Variants in DSCAM observed in about 807,000 individuals in gnomAD.
DSCAM encodes the protein DS cell adhesion molecule, also known as cell adhesion molecule DSCAM.
DSCAM carries 47 observed loss-of-function variants against 217.7 expected under a neutral mutation model. That is an observed-to-expected ratio of 0.22 (90% CI 0.17 to 0.28). DSCAM has a LOEUF of 0.28. Among genes scored for constraint, DSCAM ranks in the 10% least tolerant of loss-of-function variants. The pLI is 1.00. For missense variants in DSCAM, 2,080 were observed against 2,618.3 expected, an observed-to-expected ratio of 0.79 and a Z score of 4.49; for synonymous variants, 1,056 against 1,015.3, an observed-to-expected ratio of 1.04 and a Z score of -0.76.
chr21:40,104,864 A>G (rs1282287506), intron 20 of DSCAM, among the ~76,000 whole-genome samples: 1 of 152,180 alleles, frequency 6.6e-6, no homozygotes, highest in African/African-American at 2.4e-5. Flanking sequence ...TGCTTAAAAA[A>G]TAAAGTCAAG....
At chr21:40,109,678 G>C (rs1213811878) in intron 20 of DSCAM, among the ~76,000 whole-genome samples, 1 of 152,210 alleles carries the variant, frequency 6.6e-6, no homozygotes, top group Non-Finnish European at 1.5e-5. Context: ...TTAAAGAAAG[G>C]GGTGACAGAC....
intron 3 of DSCAM, among the ~76,000 whole-genome samples, chr21:40,412,591 T>C (rs189760631): frequency 5.2e-4 from 79 of 152,314 alleles, no homozygotes; most frequent in Admixed American, 7.2e-4. Context: ...TTAGGGTATC[T>C]GGTGGAAGGA....
intron 11 of DSCAM, among the ~76,000 whole-genome samples, chr21:40,275,837 A>T (rs1332235884): frequency 6.6e-6 from 1 of 152,208 alleles, no homozygotes; most frequent in Non-Finnish European, 1.5e-5. Context: ...AATGGCTGTG[A>T]GAACCAAAGG....
intron 1 of DSCAM, among the ~76,000 whole-genome samples, chr21:40,730,968 T>C (rs1369951903): frequency 9.9e-5 from 15 of 152,212 alleles, no homozygotes; most frequent in Non-Finnish European, 1.5e-5. Context: ...CCTATTTTTA[T>C]GTTTGCATAT....
At chr21:40,126,260 G>A (rs1346654982) in intron 19 of DSCAM, among the ~76,000 whole-genome samples, 2 of 148,514 alleles carry the variant, frequency 1.3e-5, no homozygotes, top group Non-Finnish European at 1.5e-5. Context: ...AAAGGAAAGA[G>A]GGAAGAAAAA....
At chr21:40,246,741 A>G (rs1038014427) in intron 11 of DSCAM, among the ~76,000 whole-genome samples, 1 of 152,154 alleles carries the variant, frequency 6.6e-6, no homozygotes, top group Non-Finnish European at 1.5e-5. Context: ...CAGCTTTTTA[A>G]TTTCCTGCTG....
intron 3 of DSCAM, among the ~76,000 whole-genome samples, chr21:40,573,779 T>C (rs796088213): frequency 3.8e-4 from 58 of 152,266 alleles, no homozygotes; most frequent in African/African-American, 1.3e-3. Flanking sequence ...GAAAAGAATC[T>C]ATATCAGTAA....
chr21:40,543,122 A>G (rs1158894609), intron 3 of DSCAM, among the ~76,000 whole-genome samples: 1 of 152,200 alleles, frequency 6.6e-6, no homozygotes, highest in Non-Finnish European at 1.5e-5. Context: ...CATACAAAAT[A>G]TGTTTAAGTA....
rs1465825417 is a variant in DSCAM, at chr21:40,244,965, C to G, written c.2356+31132G>C. Among the ~76,000 whole-genome samples, 3 of 146,736 alleles carry G rather than the reference C, an allele frequency of 2.0e-5. 1 individual carries two copies. Among genetic ancestry groups the G allele is most frequent in the South Asian group, 4.6e-4 (2 of 4,308 alleles). On this transcript the variant is annotated intron_variant, in intron 11 of 32. Coordinates refer to ENST00000400454, the MANE Select transcript of DSCAM (RefSeq NM_001389.5). ...GGGCTTGACTTCCTAGAGAGCTGAG[C>G]GAGGCACTGGGAATCTACAGGAAGA...
At chr21:40,113,364 C>G (rs572643655) in intron 20 of DSCAM, among the ~76,000 whole-genome samples, 59 of 151,954 alleles carry the variant, frequency 3.9e-4, no homozygotes, top group Middle Eastern at 3.2e-3. Flanking sequence ...ATTCAACAAC[C>G]CTTCATGCTA....
At chr21:40,306,677 C>T (rs2074080824) in intron 9 of DSCAM, among the ~76,000 whole-genome samples, 1 of 151,892 alleles carries the variant, frequency 6.6e-6, no homozygotes, top group African/African-American at 2.4e-5. Context: ...TGTCAAAGGC[C>T]TTTTCTGCAT....
intron 8 of DSCAM, among the ~76,000 whole-genome samples, chr21:40,322,052 A>C (rs1026573162): frequency 6.6e-6 from 1 of 152,104 alleles, no homozygotes; most frequent in Non-Finnish European, 1.5e-5. Context: ...GAATTAGATA[A>C]ATGTCCACTT....
intron 3 of DSCAM, among the ~76,000 whole-genome samples, chr21:40,575,714 C>T (rs1169833454): frequency 6.6e-6 from 1 of 151,772 alleles, no homozygotes; most frequent in Non-Finnish European, 1.5e-5. Flanking sequence ...AATAGGTAGG[C>T]AGGCTACAAA....
intron 3 of DSCAM, among the ~76,000 whole-genome samples, chr21:40,399,637 T>A (rs1263055567): frequency 1.3e-5 from 2 of 152,236 alleles, no homozygotes; most frequent in Non-Finnish European, 2.9e-5. Context: ...AGGTCAAGCA[T>A]CATATTAATT....
At chr21:40,032,408 G>C (rs969512147) in intron 32 of DSCAM, among the ~76,000 whole-genome samples, 21 of 152,086 alleles carry the variant, frequency 1.4e-4, no homozygotes, top group African/African-American at 5.1e-4. Flanking sequence ...AAGTTCACCA[G>C]CAAGCAGAAG....
At chr21:40,609,335 A>C (rs1026108361) in intron 3 of DSCAM, among the ~76,000 whole-genome samples, 1 of 152,230 alleles carries the variant, frequency 6.6e-6, no homozygotes, top group Non-Finnish European at 1.5e-5. Flanking sequence ...TGCACATCAT[A>C]TGAAATTTTC....
chr21:40,823,410 A>G (rs911747630), intron 1 of DSCAM, among the ~76,000 whole-genome samples: 2 of 152,186 alleles, frequency 1.3e-5, no homozygotes, highest in South Asian at 2.1e-4. Flanking sequence ...GTAAATCTCA[A>G]TTCAACTTGT....
intron 11 of DSCAM, among the ~76,000 whole-genome samples, chr21:40,258,028 G>A (rs1227377014): frequency 6.6e-6 from 1 of 152,172 alleles, no homozygotes; most frequent in Non-Finnish European, 1.5e-5. Context: ...GAATTGTGAA[G>A]TGCTTTCTGA....
intron 12 of DSCAM, among the ~76,000 whole-genome samples, 179 bp from the exon 13 acceptor site, chr21:40,188,166 C>T (rs1366565512): frequency 2.0e-5 from 3 of 152,092 alleles, no homozygotes; most frequent in African/African-American, 7.2e-5. Flanking sequence ...CATACTAAAT[C>T]ACACACATGC....
Sources: allele counts gnomAD v4.1 joint callset (sites outside exome capture counted in the v4.1 genomes callset), GRCh38; gene constraint gnomAD v4.1.1; transcripts MANE v1.5; gene names NCBI Gene and HGNC (gene_info 2026-07-23, HGNC 2026-07-21).